The following PFKFB3 variants were observed in gnomAD, a reference collection of about 807,000 sequenced individuals.
PFKFB3 encodes the protein 6-phosphofructo-2-kinase/fructose-2,6-biphosphatase 3.
PFKFB3 carries 33 observed loss-of-function variants against 68.0 expected under a neutral mutation model. That is an observed-to-expected ratio of 0.49 (90% CI 0.37 to 0.65). The LOEUF is 0.65. PFKFB3 is among the 30% of genes least tolerant of loss of function. The pLI is 0.00. For synonymous variants in PFKFB3, 315 were observed against 288.2 expected (o/e 1.09, Z -0.94); for missense variants, 586 against 712.2 (o/e 0.82, Z 2.02).
rs190211916 is a variant in PFKFB3 at position 6,177,881 on chromosome 10, C to T, written c.16+32868C>T. On this transcript the variant is annotated intron_variant, in intron 1 of 14. Coordinates refer to the PFKFB3 transcript ENST00000379789. Reference sequence around the variant, plus strand: ...CTTGGGAAATGGTGTACACCACTGACGGCCTGGGGCACATGGGGTGGACAC... The same window carrying T: ...CTTGGGAAATGGTGTACACCACTGATGGCCTGGGGCACATGGGGTGGACAC... Among the ~76,000 whole-genome samples, 437 of 152,212 alleles carry T rather than the reference C, an allele frequency of 2.9e-3. 2 individuals are homozygous for T. Among genetic ancestry groups the T allele is most frequent in the African/African-American group, 0.01 (424 of 41,536 alleles).
At chr10:6,183,614 A>AAAAAAAT (rs1242752213) in intron 1 of PFKFB3, among the ~76,000 whole-genome samples, 2 of 93,942 alleles carry the variant, frequency 2.1e-5, no homozygotes, top group African/African-American at 6.8e-5. Flanking sequence ...AAAAAAAAAA[A>AAAAAAAT]ATATATATAT....
At chr10:6,238,461 G>A (rs1327467188), downstream of PFKFB3, among the ~76,000 whole-genome samples, 1 of 140,688 alleles carries the variant, frequency 7.1e-6, no homozygotes, top group East Asian at 2.0e-4. Flanking sequence ...CACTGAGCCT[G>A]GCTGAGGTGC....
At position 6,220,628 on chromosome 10, in the gene PFKFB3, G is replaced by T; in HGVS notation, c.624-30G>T. 1 of 1,604,678 alleles carries T rather than the reference G, an allele frequency of 6.2e-7. No individual in the cohort carries two copies. On this transcript the variant is annotated intron_variant, in intron 7 of 14. Transcript: ENST00000379775. The surrounding 1 kb of genome is among the most constrained non-coding windows in gnomAD (Gnocchi z 4.1). ...CATCCTGCTGTGGGTGGTGGCCTGA[G>T]CTGTGGTTCTCGGTGGGGTCTCTCT...
chr10:6,223,068 C>T, intron 11 of PFKFB3, 84 bp downstream of exon 11: 1 of 1,435,340 alleles, frequency 7.0e-7, no homozygotes. Context: ...CCTGCCGTGG[C>T]CTGCCCTGTG....
chr10:6,320,569 C>T, the PFKFB3 span, among the ~76,000 whole-genome samples: 7 of 152,062 alleles, frequency 4.6e-5, no homozygotes, highest in Admixed American at 6.6e-5. Flanking sequence ...ACCACAGGTG[C>T]ACACCATCAT....
chr10:6,224,228 C>T lies in PFKFB3; in HGVS notation c.1341+15C>T. The T allele has an allele frequency of 6.2e-7, 1 of 1,611,416 alleles. No homozygotes were observed. The highest frequency in any genetic ancestry group is 8.5e-7 in the Non-Finnish European group (1 of 1,178,482). On this transcript the variant is annotated intron_variant, in intron 13 of 14. Transcript: ENST00000379775. ...AGAGGTCAGAGGTGAGTGGAGGCCC[C>T]AAGCCTCATCCTGGCCATCATCACA...
chr10:6,152,166 G>GGT (rs918315032), intron 1 of PFKFB3: 1 of 154,442 alleles, frequency 6.5e-6, no homozygotes, highest in Non-Finnish European at 1.5e-5. Context: ...GCCACTAATG[G>GGT]GTGGTGACCC....
chr10:6,236,440 G>A (rs74534599), downstream of PFKFB3, among the ~76,000 whole-genome samples: 11,863 of 152,112 alleles, frequency 0.078, 813 homozygotes, highest in African/African-American at 0.16. Context: ...TTTTTCCGGA[G>A]CCCCCCACTG....
intron 1 of PFKFB3, among the ~76,000 whole-genome samples, chr10:6,187,586 G>A (rs1415861908): frequency 6.6e-6 from 1 of 152,178 alleles, no homozygotes; most frequent in Non-Finnish European, 1.5e-5. Flanking sequence ...TCAGCAAATG[G>A]AAAGTCAAAT....
At chr10:6,194,622 A>G (rs1843124022) in intron 1 of PFKFB3, among the ~76,000 whole-genome samples, 1 of 152,200 alleles carries the variant, frequency 6.6e-6, no homozygotes, top group Admixed American at 6.5e-5. Context: ...GCGCCATCTG[A>G]TAATGGAGCA....
chr10:6,319,310 C>A, the PFKFB3 span, among the ~76,000 whole-genome samples: 1 of 152,190 alleles, frequency 6.6e-6, no homozygotes, highest in Non-Finnish European at 1.5e-5. Context: ...TACATATACA[C>A]AGTGGAATAG....
intron 1 of PFKFB3, among the ~76,000 whole-genome samples, chr10:6,158,390 A>G (rs1462188974): frequency 2.0e-5 from 3 of 152,228 alleles, no homozygotes; most frequent in African/African-American, 7.2e-5. Context: ...AGGAAAATGC[A>G]GATTGAGACC....
At chr10:6,203,977 G>A (rs1208101065) in intron 1 of PFKFB3, among the ~76,000 whole-genome samples, 1 of 152,226 alleles carries the variant, frequency 6.6e-6, no homozygotes, top group Admixed American at 6.5e-5. Context: ...CGCCAGGAGA[G>A]CCACCTGGAG....
the PFKFB3 span, among the ~76,000 whole-genome samples, chr10:6,276,509 C>G: frequency 6.6e-6 from 1 of 152,090 alleles, no homozygotes; most frequent in Non-Finnish European, 1.5e-5. Context: ...CTGGCCTTAT[C>G]TAACTACTAG....
rs762802278 is a variant in PFKFB3 at position 6,228,193 on chromosome 10, C to T, written c.1515+1828C>T. 1.2e-6 allele frequency: 2 copies of T among 1,612,808 alleles called. No individual in the cohort carries two copies. The highest frequency in any genetic ancestry group is 1.7e-6 in the Non-Finnish European group (2 of 1,179,874). ...GACTTCTCTCTCTGCTTCTCCTCCG[C>T]AGCCTTTGCTAGGGCAAGCCTGTCT... On this transcript the variant is annotated intron_variant, in intron 14 of 14. Coordinates refer to ENST00000379775, the MANE Select transcript of PFKFB3 (RefSeq NM_004566.4). This position sits in a 1 kb window ranked among gnomAD's most constrained non-coding sequence, Gnocchi z 4.5.
chr10:6,281,681 A>G, the PFKFB3 span, among the ~76,000 whole-genome samples: 1 of 152,084 alleles, frequency 6.6e-6, no homozygotes, highest in Non-Finnish European at 1.5e-5. Context: ...CTTTTTTTAA[A>G]AAAAGTTATA....
chr10:6,324,018 A>G, the PFKFB3 span, among the ~76,000 whole-genome samples: 29 of 152,238 alleles, frequency 1.9e-4, no homozygotes, highest in Non-Finnish European at 8.8e-5. Context: ...ACCCACATTT[A>G]TAGATGTGTT....
chr10:6,239,586 T>C (rs1425199749), downstream of PFKFB3, among the ~76,000 whole-genome samples: 1 of 152,226 alleles, frequency 6.6e-6, no homozygotes, highest in Non-Finnish European at 1.5e-5. Flanking sequence ...GGACCAGATG[T>C]CCATTCTGTA....
Position 6,216,127 on chromosome 10 carries a change from A to G in PFKFB3, c.302A>G (p.Gln101Arg), listed in dbSNP as rs1279908299. The G allele has an allele frequency of 1.2e-6, 2 of 1,613,966 alleles. No individual in the cohort carries two copies. The highest frequency in any genetic ancestry group is 2.2e-5 in the East Asian group (1 of 44,900). Residue 101 changes from glutamine to arginine, a missense_variant and splice_region_variant, in exon 4 of 15, where the codon CAA becomes CGA. Transcript: ENST00000379775. Reference sequence around the variant, plus strand: ...GGGCAATGTCTTGTGCATTCCAGGCAATGTGCCTTAGCTGCCTTGAGAGAT... The same window carrying G: ...GGGCAATGTCTTGTGCATTCCAGGCGATGTGCCTTAGCTGCCTTGAGAGAT... ...DNEEAMKVRK[Q>R]CALAALRDVK... is the part of the protein sequence containing the mutation.
Sources: allele counts gnomAD v4.1 joint callset (sites outside exome capture counted in the v4.1 genomes callset), GRCh38; gene constraint gnomAD v4.1.1; non-coding constraint Gnocchi (gnomAD v3.1); transcripts MANE v1.5; gene names NCBI Gene and HGNC (gene_info 2026-07-23, HGNC 2026-07-21).